ADH1A: variants seen among roughly 807,000 people sequenced by gnomAD.
ADH1A encodes alcohol dehydrogenase 1A (class I), alpha polypeptide.
A neutral mutation model predicts 35.2 loss-of-function variants in ADH1A; 29 were observed. That is an observed-to-expected ratio of 0.82 (90% CI 0.61 to 1.12). The LOEUF (loss-of-function observed/expected upper bound fraction) is 1.12, where lower values mean the gene tolerates loss of function less well. Ranked by LOEUF, ADH1A falls within the 50% of genes most tolerant of loss-of-function variation. The probability of loss-of-function intolerance (pLI) is 0.00; values close to 1 mark genes in which losing one functional copy is unlikely to be tolerated. For missense variants in ADH1A, 469 were observed against 464.7 expected (o/e 1.01, Z -0.09); for synonymous variants, 147 against 164.8 (o/e 0.89, Z 0.83).
intron 6 of ADH1A, chr4:99,281,968 T>C (rs1399758150): frequency 4.3e-6 from 1 of 234,166 alleles, no homozygotes; most frequent in African/African-American, 2.3e-5. Context: ...TATGCAAAAT[T>C]ATTAAATCAT....
At chr4:99,290,677 A>G (rs1483412825) in intron 1 of ADH1A, among the ~76,000 whole-genome samples, 1 of 152,198 alleles carries the variant, frequency 6.6e-6, no homozygotes. Context: ...AACACTTCAT[A>G]GATACAGATT....
At position 99,279,434 on chromosome 4, in the gene ADH1A, A is replaced by G; in HGVS notation, c.1095T>C (p.Ser365=). 1 of 1,592,724 alleles carries G rather than the reference A, an allele frequency of 6.3e-7. No individual in the cohort carries two copies. Residue 365 remains serine (S), a synonymous_variant, in exon 8 of 9, where the codon TCT becomes TCC. Transcript: ENST00000209668. ...KINEGFDLLH[S]GKSIRTILMF ...CTAACTAAAAAATCTACCTTTTCCC[A>G]GAGTGAAGCAGGTCAAATCCTTCAT...
In ADH1A at chr4:99,276,643, C is replaced by T. The variant is rs763462785; in HGVS notation, c.1109G>A (p.Arg370His). ...ATTGTCTCAAAACATCAGAATGGTA[C>T]GGATACTGCAATAGGAAAGAAGAGA... is the stretch of plus-strand genomic sequence containing the variant. ...FDLLHSGKSI[R>H]TILMF The change falls in exon 9 of 9, where the codon CGT (arginine) becomes CAT (histidine). Residue 370 changes from arginine (R) to histidine (H), a missense_variant. Arg to His is a conservative substitution (Grantham distance 29, BLOSUM62 0). Transcript: ENST00000209668. 5.5e-5 allele frequency: 88 copies of T among 1,611,968 alleles called. 1 individual carries two copies. In the South Asian group the frequency reaches 7.6e-4, roughly 14 times the overall value.
chr4:99,280,085 G>T lies in ADH1A; in HGVS notation c.964+59C>A, dbSNP rs1579489016. 3.7e-6 allele frequency: 6 copies of T among 1,606,182 alleles called. No homozygotes were observed. In the East Asian group the frequency reaches 1.3e-4, roughly 36 times the overall value. On this transcript the variant is annotated intron_variant, in intron 7 of 8. Transcript: ENST00000209668. ...TTTTCAAAACCTTGCCTTGTCACTT[G>T]TAAAAGGGGAGATATGCTGAGGTTA...
intron 1 of ADH1A, among the ~76,000 whole-genome samples, chr4:99,290,498 G>A (rs996176730): frequency 1.2e-4 from 18 of 152,152 alleles, no homozygotes; most frequent in African/African-American, 4.3e-4. Context: ...TAACTTTCTT[G>A]TATTCACAAA....
intron 3 of ADH1A, among the ~76,000 whole-genome samples, chr4:99,285,397 C>T (rs1326461613): frequency 6.6e-6 from 1 of 152,120 alleles, no homozygotes; most frequent in Non-Finnish European, 1.5e-5. Flanking sequence ...CTGGAAATTT[C>T]AACCCTCCAC....
intron 1 of ADH1A, among the ~76,000 whole-genome samples, chr4:99,290,197 T>C (rs1469629872): frequency 1.3e-5 from 2 of 152,196 alleles, no homozygotes; most frequent in Non-Finnish European, 2.9e-5. Flanking sequence ...CAAATATCTG[T>C]GTTCCTAGTG....
At chr4:99,286,765 G>A (rs1455664033) in intron 3 of ADH1A, 85 bp downstream of exon 3, 58 of 1,566,940 alleles carry the variant, frequency 3.7e-5, no homozygotes, top group East Asian at 2.2e-5. Context: ...AAGCCCTTTC[G>A]TCCCTCTTTG....
intron 5 of ADH1A, among the ~76,000 whole-genome samples, chr4:99,283,051 T>G (rs1733046284): frequency 6.6e-6 from 1 of 152,224 alleles, no homozygotes. Context: ...GAAAACAAAA[T>G]AAGTGGAAAA....
At chr4:99,286,809 G>C in intron 3 of ADH1A, 41 bp downstream of exon 3, 1 of 1,607,410 alleles carries the variant, frequency 6.2e-7, no homozygotes, top group Non-Finnish European at 8.5e-7. Flanking sequence ...GGAAATCTTA[G>C]GATGGTGAAC....
intron 5 of ADH1A, 60 bp from the exon 6 acceptor site, chr4:99,282,666 T>C: frequency 4.5e-6 from 7 of 1,566,938 alleles, no homozygotes; most frequent in Non-Finnish European, 6.0e-6. Context: ...CCATGCTTAG[T>C]GTTTATCAAA....
chr4:99,280,339 T>A, intron 6 of ADH1A, 60 bp from the exon 7 acceptor site: 1 of 1,607,950 alleles, frequency 6.2e-7, no homozygotes, highest in Non-Finnish European at 8.5e-7. Flanking sequence ...CTATTCATAA[T>A]GCACAATATC....
At chr4:99,287,824 T>A (rs551578197) in intron 1 of ADH1A, among the ~76,000 whole-genome samples, 159 bp from the exon 2 acceptor site, 3 of 152,182 alleles carry the variant, frequency 2.0e-5, no homozygotes, top group Admixed American at 1.3e-4. Flanking sequence ...GAGAAAAAAA[T>A]ATATTTTAAA....
intron 1 of ADH1A, among the ~76,000 whole-genome samples, chr4:99,288,336 GGT>G (rs70955994): frequency 0.019 from 2,830 of 149,608 alleles, 84 homozygotes; most frequent in African/African-American, 0.064. Flanking sequence ...GTTAGAGTTG[GGT>G]GTGTGTGTGT....
rs1427526846 is a variant in ADH1A, at chr4:99,280,167, G to T, written c.941C>A (p.Thr314Asn). Reference sequence around the variant, plus strand: ...ACCACCAAGAATAGCTCCCTTCCAGGTACGTCCAGTCAGTAGCAGCATAGG... The same window carrying T: ...ACCACCAAGAATAGCTCCCTTCCAGTTACGTCCAGTCAGTAGCAGCATAGG... ...MNPMLLLTGR[T>N]WKGAILGGFK... The change falls in exon 7 of 9, where the codon ACC becomes AAC. Residue 314 changes from threonine (T) to asparagine (N), a missense_variant. Thr to Asn is a moderately conservative substitution (Grantham distance 65). Coordinates refer to ENST00000209668, the MANE Select transcript of ADH1A (RefSeq NM_000667.4). 1 of 1,613,678 alleles carries T rather than the reference G, an allele frequency of 6.2e-7. No individual in the cohort carries two copies. Among genetic ancestry groups the T allele is most frequent in the Non-Finnish European group, 8.5e-7 (1 of 1,179,830 alleles).
intron 8 of ADH1A, among the ~76,000 whole-genome samples, chr4:99,279,117 A>T (rs1257238766): frequency 6.6e-6 from 1 of 151,886 alleles, no homozygotes; most frequent in Non-Finnish European, 1.5e-5. Flanking sequence ...ATGGTTATTT[A>T]AAAAGACTTT....
Position 99,280,229 on chromosome 4 carries a change from T to C in ADH1A, c.879A>G (p.Val293=), listed in dbSNP as rs372220406. The C allele has an allele frequency of 1.9e-6, 3 of 1,613,668 alleles. No individual in the cohort carries two copies. Among genetic ancestry groups the C allele is most frequent in the African/African-American group, 1.3e-5 (1 of 74,874 alleles). ...GGTTTTGGGAATCAGGAGGTACCCC[T>C]ACGATGACACTTGTGCCACATGCCT... The part of the protein sequence containing the change: ...CHEACGTSVI[V]GVPPDSQNLS... Residue 293 remains valine (V), a synonymous_variant, in exon 7 of 9, where the codon GTA becomes GTG. Transcript: ENST00000209668.
intron 7 of ADH1A, 98 bp from the exon 8 acceptor site, chr4:99,279,662 G>T: frequency 7.0e-7 from 1 of 1,422,540 alleles, no homozygotes; most frequent in Non-Finnish European, 9.7e-7. Flanking sequence ...AAAAGATGCT[G>T]CTTCCAGACT....
At chr4:99,286,756 A>C in intron 3 of ADH1A, 94 bp downstream of exon 3, 6 of 1,558,052 alleles carry the variant, frequency 3.9e-6, no homozygotes, top group Non-Finnish European at 5.2e-6. Flanking sequence ...ACCTTGGTCA[A>C]GCCCTTTCGT....
Sources: gnomAD v4.1 joint callset for allele counts (sites outside exome capture counted in the v4.1 genomes callset) on GRCh38, gnomAD v4.1.1 for gene constraint, MANE v1.5 for transcripts, NCBI Gene and HGNC (gene_info 2026-07-23, HGNC 2026-07-21) for gene names.